The following PTPRK variants were observed in gnomAD, a reference collection of about 807,000 sequenced individuals.
PTPRK encodes the protein protein tyrosine phosphatase receptor type K, also known as receptor-type tyrosine-protein phosphatase kappa.
PTPRK carries 75 observed loss-of-function variants against 178.0 expected under a neutral mutation model. That is an observed-to-expected ratio of 0.42 (90% CI 0.35 to 0.51). The LOEUF is 0.51. Ranked by LOEUF, PTPRK falls within the 20% of genes least tolerant of loss-of-function variation. The pLI is 0.02. For missense variants in PTPRK, 1,441 were observed against 1,797.8 expected, an observed-to-expected ratio of 0.80 and a Z score of 3.59; for synonymous variants, 637 against 620.6, an observed-to-expected ratio of 1.03 and a Z score of -0.39.
At chr6:128,007,471 C>G (rs1339988097) in intron 14 of PTPRK, among the ~76,000 whole-genome samples, 2 of 150,768 alleles carry the variant, frequency 1.3e-5, no homozygotes, top group African/African-American at 2.4e-5. Context: ...TTAACTTAAC[C>G]ATTTAATATA....
Position 128,005,261 on chromosome 6 carries a change from A to C in PTPRK, c.2334-17T>G. The C allele has an allele frequency of 6.2e-7, 1 of 1,610,266 alleles. No individual in the cohort carries two copies. The highest frequency in any genetic ancestry group is 1.7e-4 in the Middle Eastern group (1 of 6,032). On this transcript the variant is annotated splice_polypyrimidine_tract_variant and intron_variant, in intron 14 of 29. Transcript: ENST00000368226. ...GCAAGTTTGCTGCCAAGGCAAATAC[A>C]AAAGGGCATCCTTAGTGTTTGAGGC...
chr6:128,386,602 TA>T (rs1230791066), intron 2 of PTPRK, among the ~76,000 whole-genome samples: 6 of 152,188 alleles, frequency 3.9e-5, no homozygotes, highest in Non-Finnish European at 5.9e-5. Flanking sequence ...TTTTGTTTTT[TA>T]AAATACTCTG....
chr6:128,373,840 T>C (rs1429013493), intron 2 of PTPRK, among the ~76,000 whole-genome samples: 1 of 152,150 alleles, frequency 6.6e-6, no homozygotes, highest in Non-Finnish European at 1.5e-5. Context: ...GTACTAGCAG[T>C]AGTTATCATT....
chr6:128,086,455 A>G (rs1322925726), intron 8 of PTPRK, among the ~76,000 whole-genome samples: 1 of 152,126 alleles, frequency 6.6e-6, no homozygotes, highest in Admixed American at 6.5e-5. Context: ...TTAAATAGAA[A>G]TTCTACCTTA....
intron 1 of PTPRK, among the ~76,000 whole-genome samples, chr6:128,438,203 GTCTTGCC>G (rs1293452281): frequency 2.0e-5 from 3 of 152,242 alleles, no homozygotes; most frequent in African/African-American, 7.2e-5. Context: ...CTCAAAGAGA[GTCTTGCC>G]TGTAGGTGAC....
Position 128,519,496 on chromosome 6 carries a change from G to A in PTPRK, c.100+763C>T, listed in dbSNP as rs868633812. Among the ~76,000 whole-genome samples, 1 of 152,188 alleles carries A rather than the reference G, an allele frequency of 6.6e-6. No individual in the cohort carries two copies. Among genetic ancestry groups the A allele is most frequent in the Non-Finnish European group, 1.5e-5 (1 of 68,036 alleles). ...GCCAGAGCCCCAGGCCGGATCCGGG[G>A]AGCGCGGGGCCAGCCTGGCGGTGGT... On this transcript the variant is annotated intron_variant, in intron 1 of 29. Transcript: ENST00000368226. This position sits in a 1 kb window ranked among gnomAD's most constrained non-coding sequence, Gnocchi z 4.3.
chr6:127,992,333 C>T (rs899403989), intron 19 of PTPRK, among the ~76,000 whole-genome samples: 1 of 151,708 alleles, frequency 6.6e-6, no homozygotes, highest in Admixed American at 6.6e-5. Context: ...AGAAGACAGG[C>T]CTCTTATATG....
intron 1 of PTPRK, among the ~76,000 whole-genome samples, chr6:128,413,952 G>T (rs1438717357): frequency 6.6e-6 from 1 of 152,014 alleles, no homozygotes; most frequent in Non-Finnish European, 1.5e-5. Context: ...ACTAACAGTA[G>T]TTAATAAATC....
chr6:127,981,048 G>T, intron 25 of PTPRK, 68 bp downstream of exon 25: 2 of 1,342,680 alleles, frequency 1.5e-6, no homozygotes, highest in Non-Finnish European at 1.0e-6. Context: ...AAGAAAACTA[G>T]CCAGTGTTCA....
chr6:128,050,321 C>T (rs778802325), intron 13 of PTPRK, among the ~76,000 whole-genome samples: 6 of 152,162 alleles, frequency 3.9e-5, no homozygotes, highest in South Asian at 2.1e-4. Context: ...TTCCTTGAGA[C>T]GTATTCTCCT....
intron 1 of PTPRK, among the ~76,000 whole-genome samples, chr6:128,426,597 ATTTAAAATC>A (rs1389889122): frequency 6.6e-6 from 1 of 152,222 alleles, no homozygotes; most frequent in Non-Finnish European, 1.5e-5. Context: ...TGAATGAAAT[ATTTAAAATC>A]TTTAAAATCA....
chr6:128,134,411 A>C (rs1360153092), intron 7 of PTPRK, among the ~76,000 whole-genome samples: 4 of 152,154 alleles, frequency 2.6e-5, no homozygotes, highest in African/African-American at 9.7e-5. Context: ...TTTTATAGTC[A>C]CCTGTGATAG....
intron 2 of PTPRK, among the ~76,000 whole-genome samples, chr6:128,389,119 T>C (rs1268794495): frequency 2.6e-5 from 4 of 152,142 alleles, no homozygotes; most frequent in African/African-American, 9.6e-5. Context: ...TCATATGCTC[T>C]AAATTTAGAA....
At chr6:128,039,030 A>G (rs1485497257) in intron 13 of PTPRK, among the ~76,000 whole-genome samples, 2 of 152,194 alleles carry the variant, frequency 1.3e-5, no homozygotes, top group Non-Finnish European at 2.9e-5. Flanking sequence ...GTAAATTTGT[A>G]TAATTATTCT....
intron 1 of PTPRK, among the ~76,000 whole-genome samples, chr6:128,415,772 ACAGTAAT>A (rs1842780906): frequency 6.6e-6 from 1 of 152,210 alleles, no homozygotes; most frequent in African/African-American, 2.4e-5. Context: ...TCACTCAATC[ACAGTAAT>A]CTGTTTGAAA....
chr6:128,064,800 A>G lies in PTPRK; in HGVS notation c.2158-6T>C, dbSNP rs1781470042. The G allele has an allele frequency of 6.3e-7, 1 of 1,576,474 alleles. No homozygotes were observed. Among genetic ancestry groups the G allele is most frequent in the Non-Finnish European group, 8.6e-7 (1 of 1,169,568 alleles). On this transcript the variant is annotated splice_polypyrimidine_tract_variant and splice_region_variant and intron_variant, in intron 12 of 29. Coordinates refer to ENST00000368226, the MANE Select transcript of PTPRK (RefSeq NM_002844.4). ...ACGCACTGGGTTTTAGTTTCCTGAT[A>G]GAGTAAAAATGAAAAAAAAAAGAGT...
intron 8 of PTPRK, 67 bp downstream of exon 8, chr6:128,089,623 T>C (rs1442919909): frequency 2.1e-6 from 3 of 1,424,512 alleles, no homozygotes; most frequent in Admixed American, 3.5e-5. Context: ...CTTAGGAAAA[T>C]CTTAAAGTAA....
At chr6:128,303,929 C>T (rs187988945) in intron 3 of PTPRK, among the ~76,000 whole-genome samples, 2 of 152,224 alleles carry the variant, frequency 1.3e-5, no homozygotes, top group Admixed American at 1.3e-4. Context: ...ACAGAGTTTA[C>T]CCTACGAAGA....
At chr6:127,995,318 A>T (rs1777023279) in intron 18 of PTPRK, 144 bp downstream of exon 18, 1 of 1,594,178 alleles carries the variant, frequency 6.3e-7, no homozygotes, top group Non-Finnish European at 8.6e-7. Flanking sequence ...AATGTCAGTA[A>T]GTACTAGGAC....
Sources: allele counts gnomAD v4.1 joint callset (sites outside exome capture counted in the v4.1 genomes callset), GRCh38; gene constraint gnomAD v4.1.1; non-coding constraint Gnocchi (gnomAD v3.1); transcripts MANE v1.5; gene names NCBI Gene and HGNC (gene_info 2026-07-23, HGNC 2026-07-21).